Variants in EXT2 observed in about 807,000 individuals in gnomAD.
EXT2 encodes exostosin-2.
A neutral mutation model predicts 81.6 loss-of-function variants in EXT2; 53 were observed. The ratio of observed to expected loss-of-function variants is 0.65; its 90% CI spans 0.52 to 0.82. EXT2 has a LOEUF of 0.82. EXT2 is among the 40% of genes least tolerant of loss of function. The pLI, the probability that EXT2 is intolerant of heterozygous loss-of-function variation, is 0.00. For synonymous variants in EXT2, 320 were observed against 340.0 expected (o/e 0.94, Z 0.65); for missense variants, 774 against 910.2 (o/e 0.85, Z 1.93).
At chr11:44,219,012 G>A (rs1397263776) in intron 10 of EXT2, among the ~76,000 whole-genome samples, 1 of 151,866 alleles carries the variant, frequency 6.6e-6, no homozygotes, top group Admixed American at 6.6e-5. Context: ...TGTTGGCCAG[G>A]CTGGTCTCAA....
intron 1 of EXT2, among the ~76,000 whole-genome samples, chr11:44,097,762 AAATAAATAAATAAAT>A (rs1565192325): frequency 8.6e-5 from 2 of 23,384 alleles, no homozygotes; most frequent in African/African-American, 1.1e-4. Context: ...CCATCTCAAA[AAATAAATAAATAAAT>A]AAATAAATAA....
At chr11:44,165,967 C>A (rs1208843162) in intron 7 of EXT2, among the ~76,000 whole-genome samples, 1 of 152,142 alleles carries the variant, frequency 6.6e-6, no homozygotes, top group Admixed American at 6.5e-5. Context: ...TTAGTTTCCT[C>A]ATTTATAAAA....
intron 10 of EXT2, among the ~76,000 whole-genome samples, chr11:44,227,134 C>A (rs1955846170): frequency 6.6e-6 from 1 of 152,190 alleles, no homozygotes; most frequent in Non-Finnish European, 1.5e-5. Flanking sequence ...AGATGGGCAC[C>A]ACCTGTTGTT....
In EXT2 at chr11:44,244,166, A is replaced by G. The variant is rs779500003; in HGVS notation, c.2036A>G (p.Lys679Arg). 2 of 1,613,916 alleles carry G rather than the reference A, an allele frequency of 1.2e-6. No homozygotes were observed. Among genetic ancestry groups the G allele is most frequent in the Non-Finnish European group, 1.7e-6 (2 of 1,179,990 alleles). ...HMVERSECIN[K>R]FASVFGTMPL... is the part of the protein sequence containing the mutation. ...TCCCACAGGTCAGAGTGCATCAACA[A>G]GTTTGCTTCAGTCTTCGGGACCATG... Residue 679 changes from lysine to arginine, a missense_variant, in exon 14 of 14, where the codon AAG becomes AGG. By Grantham distance (26) the Lys-to-Arg change is conservative. This residue lies in a region of EXT2 where 148 missense variants were observed against 239.7 expected (regional missense o/e 0.62). Transcript: ENST00000533608.
chr11:44,214,579 A>G (rs940651573), intron 10 of EXT2, among the ~76,000 whole-genome samples: 2 of 152,220 alleles, frequency 1.3e-5, no homozygotes, highest in East Asian at 1.9e-4. Context: ...CATTTTATCT[A>G]AATTACAAAA....
At chr11:44,224,635 T>A (rs79627676) in intron 10 of EXT2, among the ~76,000 whole-genome samples, 10 of 152,174 alleles carry the variant, frequency 6.6e-5, no homozygotes, top group African/African-American at 2.2e-4. Context: ...AAATAATGTT[T>A]TGGGAAGCAG....
Position 44,124,865 on chromosome 11 carries a change from G to A in EXT2, c.820G>A (p.Val274Ile), listed in dbSNP as rs1347425995. The change falls in exon 5 of 14, where the codon GTC (valine) becomes ATC (isoleucine). Residue 274 changes from valine to isoleucine, a missense_variant. Physicochemically the swap from Val to Ile is conservative, Grantham distance 29. Coordinates refer to ENST00000533608, the MANE Select transcript of EXT2 (RefSeq NM_207122.2). ...CAGAGAGGACCTAGAAGCCCTCCAG[G>A]TCAAACATGGAGAGTCAGTGTTAGT... ...EYREDLEALQVKHGESVLVLD... is the reference protein window; with the variant it reads ...EYREDLEALQIKHGESVLVLD... The A allele has an allele frequency of 1.2e-6, 2 of 1,614,060 alleles. No individual in the cohort carries two copies. The highest frequency in any genetic ancestry group is 1.7e-5 in the Admixed American group (1 of 60,018).
chr11:44,209,123 C>T (rs1180423585), intron 10 of EXT2, among the ~76,000 whole-genome samples: 2 of 152,216 alleles, frequency 1.3e-5, no homozygotes, highest in African/African-American at 2.4e-5. Flanking sequence ...ACAATATCTA[C>T]TTCATGAGGT....
Position 44,187,070 on chromosome 11 carries a change from G to A in EXT2, c.1306-10759G>A, listed in dbSNP as rs1298942092. ...CCCTCCTTCCCTCCTCCCTCCCTCC[G>A]TCCCTCCCTCCCTCCCTTCTGCAGC... On this transcript the variant is annotated intron_variant, in intron 8 of 13. Transcript: ENST00000533608. Among the ~76,000 whole-genome samples the A allele has an allele frequency of 5.6e-4, 45 of 79,686 alleles. 3 individuals are homozygous for A. Among genetic ancestry groups the A allele is most frequent in the Admixed American group, 3.5e-3 (21 of 6,052 alleles). The allele number at this position is 79,686 out of a possible 152,430, so 52.3% of individuals were successfully genotyped here. A position where few individuals can be genotyped will look rare whatever the true frequency, so the allele number is the denominator to read the frequency against.
chr11:44,232,854 T>C (rs1014692507), intron 11 of EXT2, among the ~76,000 whole-genome samples: 1 of 152,352 alleles, frequency 6.6e-6, no homozygotes, highest in East Asian at 1.9e-4. Context: ...TTGTGAGCCT[T>C]TTCTCATGTC....
intron 10 of EXT2, among the ~76,000 whole-genome samples, chr11:44,210,005 T>C (rs897468767): frequency 5.9e-5 from 9 of 152,234 alleles, no homozygotes; most frequent in Non-Finnish European, 1.3e-4. Flanking sequence ...ATGAAAGATA[T>C]AGAAAAGATT....
At chr11:44,164,964 C>T (rs1447826106) in intron 7 of EXT2, among the ~76,000 whole-genome samples, 3 of 151,028 alleles carry the variant, frequency 2.0e-5, no homozygotes, top group Non-Finnish European at 3.0e-5. Context: ...CTGCAAGCTC[C>T]GCCTCCCGGG....
At chr11:44,171,429 A>G (rs1224131246) in intron 7 of EXT2, among the ~76,000 whole-genome samples, 182 bp from the exon 8 acceptor site, 2 of 152,234 alleles carry the variant, frequency 1.3e-5, no homozygotes, top group Non-Finnish European at 2.9e-5. Context: ...ACTGCATTTG[A>G]TAAATGCCAA....
chr11:44,107,085 C>T (rs187636729), intron 1 of EXT2, among the ~76,000 whole-genome samples: 2 of 152,046 alleles, frequency 1.3e-5, no homozygotes, highest in Admixed American at 6.6e-5. Context: ...CCCACATTTG[C>T]CAGCTTCTGC....
chr11:44,199,978 G>A (rs951717108), intron 9 of EXT2, among the ~76,000 whole-genome samples: 1 of 152,118 alleles, frequency 6.6e-6, no homozygotes, highest in Non-Finnish European at 1.5e-5. Flanking sequence ...ACTAACAGTG[G>A]TTTTTAGGTC....
At chr11:44,121,359 C>T (rs1954313470) in intron 4 of EXT2, among the ~76,000 whole-genome samples, 1 of 152,202 alleles carries the variant, frequency 6.6e-6, no homozygotes. Flanking sequence ...ATTTCTGTAT[C>T]TGTACAGACA....
intron 7 of EXT2, among the ~76,000 whole-genome samples, chr11:44,131,822 C>T (rs1269790126): frequency 6.6e-6 from 1 of 152,182 alleles, no homozygotes; most frequent in Non-Finnish European, 1.5e-5. Context: ...ACTGCAACCT[C>T]TGCCGCCAGG....
intron 7 of EXT2, among the ~76,000 whole-genome samples, chr11:44,135,672 A>C (rs1297865044): frequency 2.0e-5 from 3 of 152,198 alleles, no homozygotes; most frequent in African/African-American, 7.2e-5. Context: ...GATTACAGGC[A>C]TGAGCCACTG....
At chr11:44,168,444 G>A (rs189005042) in intron 7 of EXT2, among the ~76,000 whole-genome samples, 28 of 152,248 alleles carry the variant, frequency 1.8e-4, no homozygotes, top group Admixed American at 9.1e-4. Flanking sequence ...AATATTGTCC[G>A]AAAGTTTTCT....
Sources: allele counts gnomAD v4.1 joint callset (sites outside exome capture counted in the v4.1 genomes callset), GRCh38; gene constraint gnomAD v4.1.1; regional missense constraint gnomAD v4.1.1; transcripts MANE v1.5; gene names NCBI Gene and HGNC (gene_info 2026-07-23, HGNC 2026-07-21).